Variants in LMO2 observed in about 807,000 individuals in gnomAD.
The protein encoded by LMO2 is rhombotin-2.
A neutral mutation model predicts 23.2 loss-of-function variants in LMO2; 20 were observed. That is an observed-to-expected ratio of 0.86 (90% confidence interval 0.61 to 1.25). The LOEUF is 1.25. LMO2 is among the 50% of genes most tolerant of loss of function. The pLI, the probability that LMO2 is intolerant of heterozygous loss-of-function variation, is 0.00. For synonymous variants in LMO2, 123 were observed against 130.2 expected (o/e 0.94, Z 0.38); for missense variants, 270 against 315.3 (o/e 0.86, Z 1.09).
At chr11:33,879,937 C>T (rs34439695) in intron 2 of LMO2, among the ~76,000 whole-genome samples, 15,457 of 151,812 alleles carry the variant, frequency 0.1, 1,511 homozygotes, top group African/African-American at 0.26. Context: ...AACGGTATGC[C>T]GGTTCCTCAA....
At position 33,859,015 on chromosome 11, in the gene LMO2, C is replaced by A. The variant is rs1245921234; in HGVS notation, c.*341G>T. On this transcript the variant is annotated 3_prime_UTR_variant, in exon 6 of 6. Transcript: ENST00000257818. The stretch of plus-strand genomic sequence containing the variant: ...GCGTCAAAGTCACAACAAGTCTGTA[C>A]ACAACAACTCTCTATCTGTAGATAT... 3 of 341,554 alleles carry A rather than the reference C, an allele frequency of 8.8e-6. No homozygotes were observed. The highest frequency in any genetic ancestry group is 9.0e-5 in the East Asian group (2 of 22,126). 21.2% of individuals were successfully genotyped at this position (341,554 alleles called of 1,614,324 possible). A position where few individuals can be genotyped will look rare whatever the true frequency, so the allele number is the denominator to read the frequency against.
chr11:33,879,645 A>C (rs1857216945), intron 2 of LMO2, among the ~76,000 whole-genome samples: 1 of 152,168 alleles, frequency 6.6e-6, no homozygotes, highest in Non-Finnish European at 1.5e-5. Context: ...CGACAGAGCA[A>C]GACAAGCTCT....
intron 1 of LMO2, among the ~76,000 whole-genome samples, chr11:33,884,513 A>G (rs995098944): frequency 6.6e-6 from 1 of 152,174 alleles, no homozygotes; most frequent in Non-Finnish European, 1.5e-5. Context: ...CAATTTCTTC[A>G]AAATTCACTC....
chr11:33,871,061 T>C (rs1228791189), intron 2 of LMO2: 2 of 984,646 alleles, frequency 2.0e-6, no homozygotes, highest in Admixed American at 6.1e-5. Flanking sequence ...TCCATGGTTT[T>C]ATATGATCAG....
At chr11:33,874,310 A>G (rs1261651038) in intron 2 of LMO2, among the ~76,000 whole-genome samples, 1 of 152,200 alleles carries the variant, frequency 6.6e-6, no homozygotes, top group Non-Finnish European at 1.5e-5. Flanking sequence ...ATCCATTTCA[A>G]CCGAGCCTTA....
At chr11:33,862,639 G>A (rs1309354514) in intron 5 of LMO2, among the ~76,000 whole-genome samples, 1 of 152,054 alleles carries the variant, frequency 6.6e-6, no homozygotes, top group Admixed American at 6.6e-5. Flanking sequence ...TAGAGGGCCC[G>A]TTCAGTTACT....
intron 2 of LMO2, 175 bp from the exon 3 acceptor site, chr11:33,870,162 G>T: frequency 3.6e-6 from 1 of 276,496 alleles, no homozygotes; most frequent in Non-Finnish European, 5.5e-6. Flanking sequence ...AGGGGCCAGT[G>T]TCGGGGACGG....
Position 33,869,507 on chromosome 11 carries a change from G to A in LMO2, c.87C>T (p.Gly29=). The change falls in exon 4 of 6, where the codon GGC becomes GGT. Residue 29 remains glycine, a synonymous_variant. Coordinates refer to ENST00000257818, the MANE Select transcript of LMO2 (RefSeq NM_005574.4). ...ERRSKRRRRS[G]GDGGGGGGAR... is the part of the protein sequence containing the mutation. ...CGCCGCCGCCGCCGCCGCCGTCGCC[G>A]CCGCTCCTGCGCCTCCGCTTGCTCC... is the stretch of plus-strand genomic sequence containing the variant. The A allele has an allele frequency of 3.3e-6, 4 of 1,205,052 alleles. No homozygotes were observed. The highest frequency in any genetic ancestry group is 2.1e-6 in the Non-Finnish European group (2 of 965,928). 74.6% of individuals were successfully genotyped at this position (1,205,052 alleles called of 1,614,324 possible).
At chr11:33,887,371 T>C (rs1294710469) in intron 1 of LMO2, among the ~76,000 whole-genome samples, 2 of 152,204 alleles carry the variant, frequency 1.3e-5, no homozygotes, top group Non-Finnish European at 2.9e-5. Context: ...TTTTCCATCA[T>C]GAGTGTGGTC....
chr11:33,869,901 C>G lies in LMO2; in HGVS notation c.-185G>C. 1 of 1,050,250 alleles carries G rather than the reference C, an allele frequency of 9.5e-7. No individual in the cohort carries two copies. Among genetic ancestry groups the G allele is most frequent in the Non-Finnish European group, 1.1e-6 (1 of 871,466 alleles). 65.1% of individuals were successfully genotyped at this position (1,050,250 alleles called of 1,614,324 possible). A position where few individuals can be genotyped will look rare whatever the true frequency, so the allele number is the denominator to read the frequency against. Reference sequence around the variant, plus strand: ...GGCGGCCTAGGGGCGGGGAGGGGACCGTGCGTCTCTCTCCGGGCTTCCTCC... The same window carrying G: ...GGCGGCCTAGGGGCGGGGAGGGGACGGTGCGTCTCTCTCCGGGCTTCCTCC... On this transcript the variant is annotated 5_prime_UTR_variant, in exon 3 of 6. Transcript: ENST00000257818.
chr11:33,872,093 C>A (rs995685393), intron 2 of LMO2, among the ~76,000 whole-genome samples: 1 of 152,146 alleles, frequency 6.6e-6, no homozygotes, highest in Non-Finnish European at 1.5e-5. Flanking sequence ...GAGTTCATGA[C>A]CAGCCTGCCC....
chr11:33,870,162 G>A (rs1345680384), intron 2 of LMO2, 175 bp from the exon 3 acceptor site: 2 of 276,496 alleles, frequency 7.2e-6, no homozygotes, highest in East Asian at 1.4e-4. Context: ...AGGGGCCAGT[G>A]TCGGGGACGG....
At chr11:33,865,244 C>T in intron 4 of LMO2, 1 of 269,330 alleles carries the variant, frequency 3.7e-6, no homozygotes, top group East Asian at 8.9e-5. Context: ...AGGACGCACT[C>T]TGGACTAAAA....
At chr11:33,860,787 T>TAAAC (rs1039691353) in intron 5 of LMO2, among the ~76,000 whole-genome samples, 1 of 151,770 alleles carries the variant, frequency 6.6e-6, no homozygotes, top group African/African-American at 2.4e-5. Flanking sequence ...AAGCAAAAAC[T>TAAAC]AAACAAACAA....
chr11:33,871,066 G>A (rs1435643310), intron 2 of LMO2: 1 of 984,216 alleles, frequency 1.0e-6, no homozygotes, highest in Non-Finnish European at 1.2e-6. Flanking sequence ...GGTTTTATAT[G>A]ATCAGTCTGG....
chr11:33,869,988 C>T lies in LMO2; in HGVS notation c.-271-1G>A. 7.8e-6 allele frequency: 8 copies of T among 1,022,516 alleles called. No individual in the cohort carries two copies. Among genetic ancestry groups the T allele is most frequent in the Non-Finnish European group, 9.4e-6 (8 of 850,834 alleles). 63.3% of individuals were successfully genotyped at this position (1,022,516 alleles called of 1,614,324 possible). ...TGTCTCTGGTTTCATTTCCTTTTTC[C>T]TGATCACGATTCAAATACAATAGAA... On this transcript the variant is annotated splice_acceptor_variant, in intron 2 of 5. Transcript: ENST00000257818. LOFTEE classifies it low-confidence loss of function (5UTR_SPLICE).
At chr11:33,859,687 C>T in intron 5 of LMO2, 112 bp from the exon 6 acceptor site, 1 of 928,860 alleles carries the variant, frequency 1.1e-6, no homozygotes, top group Admixed American at 2.6e-5. Flanking sequence ...GTCAGGAAGC[C>T]AGGGAAGGTC....
chr11:33,860,831 C>T (rs1366905649), intron 5 of LMO2, among the ~76,000 whole-genome samples: 2 of 152,176 alleles, frequency 1.3e-5, no homozygotes, highest in African/African-American at 2.4e-5. Context: ...TCCTCCTTCC[C>T]TACCCAACTG....
intron 2 of LMO2, chr11:33,870,240 G>T: frequency 1.7e-6 from 1 of 572,248 alleles, no homozygotes; most frequent in Non-Finnish European, 2.2e-6. Flanking sequence ...ATTCTTCAGG[G>T]CTTCCCCTCT....
Sources: allele counts gnomAD v4.1 joint callset (sites outside exome capture counted in the v4.1 genomes callset), GRCh38; gene constraint gnomAD v4.1.1; transcripts MANE v1.5; gene names NCBI Gene and HGNC (gene_info 2026-07-23, HGNC 2026-07-21).